CCDC178: variants seen among roughly 807,000 people sequenced by gnomAD.
CCDC178 encodes coiled-coil domain containing 178.
Under a neutral mutation model 117.4 loss-of-function variants are expected in CCDC178, and 126 were observed. The ratio of observed to expected loss-of-function variants is 1.07; its 90% CI spans 0.93 to 1.24. The LOEUF is 1.24. CCDC178 is among the 50% of genes most tolerant of loss of function. The probability of loss-of-function intolerance (pLI) is 0.00; values close to 1 mark genes in which losing one functional copy is unlikely to be tolerated. For synonymous variants in CCDC178, 283 were observed against 313.4 expected, an observed-to-expected ratio of 0.90 and a Z score of 1.02; for missense variants, 1,030 against 986.9, an observed-to-expected ratio of 1.04 and a Z score of -0.59.
At chr18:33,143,031 C>T (rs754384819) in intron 20 of CCDC178, among the ~76,000 whole-genome samples, 8 of 151,890 alleles carry the variant, frequency 5.3e-5, no homozygotes, top group African/African-American at 1.5e-4. Context: ...TATGCTTCCA[C>T]GGGTTACAGA....
chr18:33,111,439 T>C (rs562075158), intron 20 of CCDC178, among the ~76,000 whole-genome samples: 20 of 151,764 alleles, frequency 1.3e-4, no homozygotes, highest in Admixed American at 7.9e-4. Flanking sequence ...TAAGGCTTTG[T>C]AATATCAATT....
At chr18:33,175,585 G>A (rs796997462) in intron 20 of CCDC178, among the ~76,000 whole-genome samples, 4 of 152,254 alleles carry the variant, frequency 2.6e-5, no homozygotes, top group African/African-American at 9.6e-5. Context: ...GAACTTCGCA[G>A]AGGCAGTGCT....
At chr18:33,148,701 C>T (rs190395846) in intron 20 of CCDC178, among the ~76,000 whole-genome samples, 206 of 152,252 alleles carry the variant, frequency 1.4e-3, no homozygotes, top group African/African-American at 4.8e-3. Flanking sequence ...TATGCAGATA[C>T]CTTGTCTTCT....
At chr18:33,362,190 C>CATAT (rs1491079046) in intron 6 of CCDC178, among the ~76,000 whole-genome samples, 51,143 of 147,360 alleles carry the variant, frequency 0.35, 10,591 homozygotes, top group African/African-American at 0.57. Context: ...TATATATATA[C>CATAT]ATATATATAT....
intron 22 of CCDC178, 31 bp from the exon 23 acceptor site, chr18:32,938,122 A>G (rs376119100): frequency 1.2e-5 from 17 of 1,396,480 alleles, no homozygotes; most frequent in Middle Eastern, 1.8e-4. Context: ...AACAAAATCA[A>G]TAAGTACTCA....
intron 20 of CCDC178, among the ~76,000 whole-genome samples, chr18:33,178,393 C>T (rs1351603322): frequency 6.6e-6 from 1 of 152,126 alleles, no homozygotes; most frequent in Non-Finnish European, 1.5e-5. Flanking sequence ...TGAAATATTA[C>T]TTTAAGCCTG....
chr18:33,294,890 T>G (rs566751248), intron 11 of CCDC178, among the ~76,000 whole-genome samples: 1 of 152,332 alleles, frequency 6.6e-6, no homozygotes, highest in South Asian at 2.1e-4. Context: ...TTATTCCAAT[T>G]TTTTGATGAA....
chr18:33,033,903 G>A (rs569583399), intron 21 of CCDC178, among the ~76,000 whole-genome samples: 7 of 151,056 alleles, frequency 4.6e-5, no homozygotes, highest in African/African-American at 1.7e-4. Flanking sequence ...ATTACACATC[G>A]ACAGAACCCA....
chr18:33,386,231 A>T (rs2041560286), intron 5 of CCDC178, among the ~76,000 whole-genome samples: 1 of 152,208 alleles, frequency 6.6e-6, no homozygotes, highest in African/African-American at 2.4e-5. Flanking sequence ...CCAACTAAAA[A>T]AAGGCCCAGA....
intron 11 of CCDC178, among the ~76,000 whole-genome samples, chr18:33,312,973 C>T (rs533446745): frequency 1.4e-4 from 21 of 152,270 alleles, no homozygotes; most frequent in African/African-American, 5.1e-4. Flanking sequence ...TAATGGTTCA[C>T]CAATGGGAGT....
chr18:33,296,969 A>G (rs1328094562), intron 11 of CCDC178, among the ~76,000 whole-genome samples: 2 of 152,200 alleles, frequency 1.3e-5, no homozygotes, highest in Admixed American at 1.3e-4. Context: ...GGTTGTAGTG[A>G]ATCAAGATTG....
chr18:33,214,992 G>A (rs2059148375), intron 19 of CCDC178, among the ~76,000 whole-genome samples: 1 of 151,914 alleles, frequency 6.6e-6, no homozygotes, highest in African/African-American at 2.4e-5. Context: ...AGTAAAGGAA[G>A]AGTAAATAAG....
At chr18:33,305,508 A>G (rs2062236326) in intron 11 of CCDC178, among the ~76,000 whole-genome samples, 1 of 151,830 alleles carries the variant, frequency 6.6e-6, no homozygotes, top group Admixed American at 6.6e-5. Flanking sequence ...CTGAGTAGAG[A>G]CTCCCTTAAG....
intron 22 of CCDC178, among the ~76,000 whole-genome samples, chr18:32,963,209 G>T (rs1598736531): frequency 6.6e-6 from 1 of 151,994 alleles, no homozygotes; most frequent in African/African-American, 2.4e-5. Flanking sequence ...TAAATAAAAA[G>T]AAACAAAACA....
chr18:33,440,418 T>C (rs2064367156), intron 1 of CCDC178: 1 of 149,904 alleles, frequency 6.7e-6, no homozygotes, highest in African/African-American at 2.5e-5. Context: ...TGGGGAATTA[T>C]GGGACTGGGG....
chr18:33,134,710 AACAGC>A (rs2058105189), intron 20 of CCDC178, among the ~76,000 whole-genome samples: 1 of 152,090 alleles, frequency 6.6e-6, no homozygotes, highest in South Asian at 2.1e-4. Flanking sequence ...ATATTTATTA[AACAGC>A]ACATAAGTAT....
intron 15 of CCDC178, among the ~76,000 whole-genome samples, chr18:33,243,216 T>TA: frequency 6.6e-6 from 1 of 151,808 alleles, no homozygotes; most frequent in South Asian, 2.1e-4. Flanking sequence ...CTCACAAAAG[T>TA]AAAAAGTAGA....
chr18:33,086,880 T>C (rs1402321945), intron 21 of CCDC178, among the ~76,000 whole-genome samples: 1 of 151,870 alleles, frequency 6.6e-6, no homozygotes, highest in East Asian at 1.9e-4. Context: ...TCTTGGCTTC[T>C]GCCTTCTAGA....
At chr18:33,111,991 GC>G (rs1297971025) in intron 20 of CCDC178, among the ~76,000 whole-genome samples, 2 of 151,468 alleles carry the variant, frequency 1.3e-5, no homozygotes, top group Admixed American at 6.6e-5. Context: ...TTTTCCCAAA[GC>G]TATCCAAATT....
Sources: allele counts gnomAD v4.1 joint callset (sites outside exome capture counted in the v4.1 genomes callset), GRCh38; gene constraint gnomAD v4.1.1; transcripts MANE v1.5; gene names NCBI Gene and HGNC (gene_info 2026-07-23, HGNC 2026-07-21).